Variants in LRRC4C observed in about 807,000 individuals in gnomAD.
The protein encoded by LRRC4C is leucine rich repeat containing 4C.
Under a neutral mutation model 33.6 loss-of-function variants are expected in LRRC4C, and 5 were observed. That is an observed-to-expected ratio of 0.15 (90% confidence interval 0.08 to 0.31). The LOEUF is 0.31. Among genes scored for constraint, LRRC4C ranks in the 10% least tolerant of loss-of-function variants. LRRC4C has a pLI of 1.00. For synonymous variants in LRRC4C, 329 were observed against 302.0 expected, an observed-to-expected ratio of 1.09 and a Z score of -0.93; for missense variants, 560 against 796.7, an observed-to-expected ratio of 0.70 and a Z score of 3.58.
chr11:41,382,618 T>G (rs1013409051), intron 1 of LRRC4C, among the ~76,000 whole-genome samples: 1 of 152,046 alleles, frequency 6.6e-6, no homozygotes, highest in Admixed American at 6.6e-5. Context: ...GGTCTGAAAT[T>G]TCAGTGAGAA....
At chr11:41,187,765 A>T (rs1376843513) in intron 1 of LRRC4C, among the ~76,000 whole-genome samples, 6 of 152,204 alleles carry the variant, frequency 3.9e-5, no homozygotes, top group African/African-American at 1.4e-4. Flanking sequence ...AGCTGTGAGC[A>T]TTCACCCCTA....
chr11:41,415,854 T>C (rs994258263), intron 1 of LRRC4C, among the ~76,000 whole-genome samples: 7 of 152,096 alleles, frequency 4.6e-5, no homozygotes, highest in Non-Finnish European at 1.0e-4. Flanking sequence ...AGAGGAGGAA[T>C]GAGAATATAG....
rs186681100 is a variant in LRRC4C at position 40,854,474 on chromosome 11, C to T, written c.-407+79161G>A. 4.1e-4 allele frequency among the ~76,000 whole-genome samples: 63 copies of T among 152,228 alleles called. 1 individual carries two copies. In the Middle Eastern group the frequency reaches 0.014, roughly 33 times the overall value. ...TTTGGCTAGGGTCTTCAGTCAGACT[C>T]GACTTGTATTCACAATATGTGAGGA... On this transcript the variant is annotated intron_variant, in intron 2 of 6. Transcript: ENST00000528697.
At chr11:40,402,000 T>C (rs748170997) in intron 3 of LRRC4C, among the ~76,000 whole-genome samples, 3 of 151,986 alleles carry the variant, frequency 2.0e-5, no homozygotes, top group Non-Finnish European at 4.4e-5. Context: ...TATGTAACAA[T>C]GTTAGGGAGG....
At position 40,834,270 on chromosome 11, in the gene LRRC4C, G is replaced by A. The variant is rs537117674; in HGVS notation, c.-407+99365C>T. Among the ~76,000 whole-genome samples the A allele has an allele frequency of 2.0e-5, 3 of 152,058 alleles. No individual in the cohort carries two copies. In the East Asian group the frequency reaches 5.8e-4, roughly 29 times the overall value. The stretch of plus-strand genomic sequence containing the variant: ...GGGCAGGTCACAAGGTCAGGAGTTC[G>A]AGACCAGCCTGCCAACATGGTAAAA... On this transcript the variant is annotated intron_variant, in intron 2 of 6. Coordinates refer to ENST00000528697, the MANE Select transcript of LRRC4C (RefSeq NM_001258419.2).
At chr11:40,422,794 A>C (rs555056665) in intron 3 of LRRC4C, among the ~76,000 whole-genome samples, 6 of 152,162 alleles carry the variant, frequency 3.9e-5, no homozygotes, top group Non-Finnish European at 8.8e-5. Flanking sequence ...TTAATATAAT[A>C]GATTTTACAC....
chr11:40,158,592 A>AAC (rs1365636529), intron 5 of LRRC4C, among the ~76,000 whole-genome samples: 1 of 151,626 alleles, frequency 6.6e-6, no homozygotes, highest in Non-Finnish European at 1.5e-5. Flanking sequence ...AAAAAAAAAA[A>AAC]ATAGATTCCC....
At chr11:40,978,876 C>T (rs1282886338) in intron 1 of LRRC4C, among the ~76,000 whole-genome samples, 4 of 152,074 alleles carry the variant, frequency 2.6e-5, no homozygotes, top group Admixed American at 2.6e-4. Context: ...AAGTGATCCG[C>T]CCACCTCGGC....
At chr11:41,443,304 T>C (rs1264380250) in intron 1 of LRRC4C, among the ~76,000 whole-genome samples, 1 of 151,962 alleles carries the variant, frequency 6.6e-6, no homozygotes, top group Non-Finnish European at 1.5e-5. Flanking sequence ...GCTCAGGAGT[T>C]AGAGACAAGC....
chr11:40,268,209 T>C (rs930414991), intron 4 of LRRC4C, among the ~76,000 whole-genome samples: 1 of 152,210 alleles, frequency 6.6e-6, no homozygotes, highest in Non-Finnish European at 1.5e-5. Flanking sequence ...ATACAAAATG[T>C]GCTTTCTAGT....
chr11:41,105,221 G>T (rs1193571286), intron 1 of LRRC4C, among the ~76,000 whole-genome samples: 1 of 151,858 alleles, frequency 6.6e-6, no homozygotes, highest in Non-Finnish European at 1.5e-5. Context: ...TTTGACTTCA[G>T]TCTTGATGAT....
At chr11:41,278,031 G>A (rs1319809885) in intron 1 of LRRC4C, among the ~76,000 whole-genome samples, 3 of 152,092 alleles carry the variant, frequency 2.0e-5, no homozygotes, top group African/African-American at 7.2e-5. Context: ...AGAAGCTGGG[G>A]TGATTATGGA....
chr11:40,667,104 T>C (rs868079675), intron 2 of LRRC4C, among the ~76,000 whole-genome samples: 1 of 152,188 alleles, frequency 6.6e-6, no homozygotes, highest in Admixed American at 6.5e-5. Flanking sequence ...TCAACAGAAA[T>C]TAATATTTTG....
chr11:41,430,552 A>G (rs1955196018), intron 1 of LRRC4C, among the ~76,000 whole-genome samples: 1 of 152,128 alleles, frequency 6.6e-6, no homozygotes, highest in African/African-American at 2.4e-5. Context: ...CACCAAATGC[A>G]TAGGAAATCA....
intron 3 of LRRC4C, among the ~76,000 whole-genome samples, chr11:40,366,626 T>G (rs1300717710): frequency 6.6e-6 from 1 of 152,076 alleles, no homozygotes; most frequent in East Asian, 1.9e-4. Flanking sequence ...TTGTGTGTAT[T>G]CTCATAAACT....
chr11:40,496,949 A>G (rs1267453078), intron 3 of LRRC4C, among the ~76,000 whole-genome samples: 2 of 152,186 alleles, frequency 1.3e-5, no homozygotes, highest in African/African-American at 4.8e-5. Context: ...GAAGTGCTAC[A>G]CAAGTTGTGT....
intron 3 of LRRC4C, among the ~76,000 whole-genome samples, chr11:40,549,468 T>C (rs1490715023): frequency 6.6e-6 from 1 of 152,174 alleles, no homozygotes; most frequent in South Asian, 2.1e-4. Flanking sequence ...AATCTGGAAG[T>C]TGAACTACAG....
intron 6 of LRRC4C, among the ~76,000 whole-genome samples, chr11:40,121,710 G>A (rs1855840334): frequency 6.6e-6 from 1 of 152,194 alleles, no homozygotes; most frequent in East Asian, 1.9e-4. Flanking sequence ...AGACACAGAA[G>A]CAAGTATATG....
intron 2 of LRRC4C, among the ~76,000 whole-genome samples, chr11:40,704,921 A>G (rs1468110422): frequency 2.0e-5 from 3 of 152,174 alleles, no homozygotes; most frequent in Admixed American, 6.5e-5. Context: ...CATCTTAAAA[A>G]CTAAATAATT....
Sources: allele counts gnomAD v4.1 joint callset (sites outside exome capture counted in the v4.1 genomes callset), GRCh38; gene constraint gnomAD v4.1.1; transcripts MANE v1.5; gene names NCBI Gene and HGNC (gene_info 2026-07-23, HGNC 2026-07-21).